COPS3: variants seen among roughly 807,000 people sequenced by gnomAD.
COPS3 encodes the protein COP9 signalosome complex subunit 3.
Under a neutral mutation model 58.2 loss-of-function variants are expected in COPS3, and 10 were observed. That is an observed-to-expected ratio of 0.17 (90% confidence interval 0.11 to 0.29). The LOEUF is 0.29. Ranked by LOEUF, COPS3 falls within the 10% of genes least tolerant of loss-of-function variation. COPS3 has a pLI of 1.00. For synonymous variants in COPS3, 187 were observed against 181.7 expected, an observed-to-expected ratio of 1.03 and a Z score of -0.24; for missense variants, 333 against 510.1, an observed-to-expected ratio of 0.65 and a Z score of 3.34.
Position 17,260,375 on chromosome 17 carries a change from G to A in COPS3, c.862C>T (p.Arg288Cys), listed in dbSNP as rs373742862. 9.1e-5 allele frequency: 147 copies of A among 1,614,018 alleles called. No individual in the cohort carries two copies. The highest frequency in any genetic ancestry group is 1.2e-4 in the Non-Finnish European group (142 of 1,180,014). The stretch of plus-strand genomic sequence containing the variant: ...TTCACCAGCCCCATGTTGTTATCGC[G>A]AGTGAAGGTTTCACTGTGCTTATTC... ...LVNKHSETFTRDNNMGLVKQC... is the reference protein window; with the variant it reads ...LVNKHSETFTCDNNMGLVKQC... Residue 288 changes from arginine to cysteine, a missense_variant, in exon 8 of 12, where the codon CGC becomes TGC. Coordinates refer to ENST00000268717, the MANE Select transcript of COPS3 (RefSeq NM_003653.4).
In COPS3 at chr17:17,260,457, G is replaced by A. The variant is rs1212106603; in HGVS notation, c.780C>T (p.Tyr260=). 1.9e-6 allele frequency: 3 copies of A among 1,614,108 alleles called. No individual in the cohort carries two copies. Among genetic ancestry groups the A allele is most frequent in the Non-Finnish European group, 2.5e-6 (3 of 1,179,998 alleles). Residue 260 remains tyrosine (Y), a synonymous_variant, in exon 8 of 12, where the codon TAC becomes TAT. Coordinates refer to ENST00000268717, the MANE Select transcript of COPS3 (RefSeq NM_003653.4). ...TTGAATACACTTGTGCTAACTCGTG[G>A]TATGCATTGCTAAGAGGCTAAAGAT... is the stretch of plus-strand genomic sequence containing the variant. ...GRFIKPLSNA[Y]HELAQVYSTN... is the part of the protein sequence containing the mutation.
intron 6 of COPS3, among the ~76,000 whole-genome samples, chr17:17,262,769 T>C (rs1429677896): frequency 6.6e-6 from 1 of 151,884 alleles, no homozygotes. Flanking sequence ...AGTCTCACTA[T>C]GTTGCTCAGG....
Position 17,258,070 on chromosome 17 carries a change from A to G in COPS3, c.936+2231T>C, listed in dbSNP as rs141791113. Among the ~76,000 whole-genome samples the G allele has an allele frequency of 1.1e-3, 164 of 152,194 alleles. 3 individuals are homozygous for G. The highest frequency in any genetic ancestry group is 3.9e-3 in the African/African-American group (160 of 41,530). On this transcript the variant is annotated intron_variant, in intron 8 of 11. Coordinates refer to ENST00000268717, the MANE Select transcript of COPS3 (RefSeq NM_003653.4). The stretch of plus-strand genomic sequence containing the variant: ...TGCCAAAAATGGAGCAGCCACTATC[A>G]CAGATGTAACCTTCTGACTAGCTAT...
chr17:17,273,451 T>A (rs188335372), intron 2 of COPS3, among the ~76,000 whole-genome samples: 20 of 152,260 alleles, frequency 1.3e-4, no homozygotes, highest in African/African-American at 4.6e-4. Flanking sequence ...CTTATTTATA[T>A]GAAAGAGCAG....
intron 8 of COPS3, among the ~76,000 whole-genome samples, chr17:17,256,251 A>T (rs2047973515): frequency 6.6e-6 from 1 of 152,104 alleles, no homozygotes; most frequent in Non-Finnish European, 1.5e-5. Flanking sequence ...ATGAAAAATA[A>T]TTTTATATAT....
chr17:17,250,244 C>T (rs895416424), intron 9 of COPS3, among the ~76,000 whole-genome samples: 1 of 145,490 alleles, frequency 6.9e-6, no homozygotes, highest in African/African-American at 2.5e-5. Flanking sequence ...TGAAATATAA[C>T]TTACATCGCC....
At chr17:17,258,038 G>T (rs914201754) in intron 8 of COPS3, among the ~76,000 whole-genome samples, 3 of 152,012 alleles carry the variant, frequency 2.0e-5, no homozygotes, top group Non-Finnish European at 2.9e-5. Context: ...TTAGCACTGG[G>T]ACATCATGCC....
rs1202206059 is a variant in COPS3, at chr17:17,246,668, T to C, written c.*430A>G. On this transcript the variant is annotated 3_prime_UTR_variant, in exon 12 of 12. Transcript: ENST00000268717. The stretch of plus-strand genomic sequence containing the variant: ...TTTTCTGAAGACAATGATTACAACT[T>C]TTAGATTTTTTTGTAGATACAAATT... 6.6e-6 allele frequency among the ~76,000 whole-genome samples: 1 copy of C among 152,130 alleles called. No individual in the cohort carries two copies.
intron 1 of COPS3, among the ~76,000 whole-genome samples, chr17:17,278,490 A>C (rs555474183): frequency 1.3e-5 from 2 of 152,244 alleles, no homozygotes; most frequent in African/African-American, 4.8e-5. Flanking sequence ...CAAAACAAGA[A>C]TAAAACAGCT....
At chr17:17,277,315 C>T (rs1057107168) in intron 1 of COPS3, among the ~76,000 whole-genome samples, 1 of 152,208 alleles carries the variant, frequency 6.6e-6, no homozygotes, top group African/African-American at 2.4e-5. Flanking sequence ...GTCCCTTTCT[C>T]CAGCTCTAGA....
chr17:17,251,241 G>A (rs576295212), intron 9 of COPS3, among the ~76,000 whole-genome samples: 60 of 151,708 alleles, frequency 4.0e-4, no homozygotes, highest in African/African-American at 1.3e-3. Context: ...TGATCTGCCC[G>A]CCTCAGCCTC....
intron 10 of COPS3, chr17:17,247,815 C>T (rs570580247): frequency 2.3e-5 from 9 of 387,452 alleles, no homozygotes; most frequent in African/African-American, 1.0e-4. Context: ...TGCAGTGAAA[C>T]GAGTATATTC....
At chr17:17,280,660 A>C (rs117743490) in intron 1 of COPS3, 46,163 of 1,305,328 alleles carry the variant, frequency 0.035, 1,102 homozygotes, top group East Asian at 0.14. Context: ...AGGAGCTGGC[A>C]GAGGCGAGCC....
Position 17,247,037 on chromosome 17 carries a change from G to T in COPS3, c.*61C>A. On this transcript the variant is annotated 3_prime_UTR_variant, in exon 12 of 12. Transcript: ENST00000268717. ...GGCTTGGTCCTCTCTGCTGCCCTCC[G>T]AACACTTGTCACTGGCCAAGATGGT... 1 of 1,492,182 alleles carries T rather than the reference G, an allele frequency of 6.7e-7. No individual in the cohort carries two copies. Among genetic ancestry groups the T allele is most frequent in the Non-Finnish European group, 9.4e-7 (1 of 1,069,138 alleles). 92.4% of individuals were successfully genotyped at this position (1,492,182 alleles called of 1,614,324 possible).
chr17:17,263,036 C>T (rs745664183), intron 6 of COPS3, among the ~76,000 whole-genome samples: 5 of 150,952 alleles, frequency 3.3e-5, no homozygotes, highest in Admixed American at 6.6e-5. Flanking sequence ...TGCCTGTAAT[C>T]CCAGCAATTT....
intron 9 of COPS3, among the ~76,000 whole-genome samples, chr17:17,253,812 A>C (rs1285457815): frequency 2.0e-5 from 3 of 152,064 alleles, no homozygotes; most frequent in Non-Finnish European, 4.4e-5. Context: ...ATATTTCATG[A>C]GGGTTATGAG....
At chr17:17,273,825 C>T (rs1483434191) in intron 2 of COPS3, among the ~76,000 whole-genome samples, 1 of 152,208 alleles carries the variant, frequency 6.6e-6, no homozygotes, top group Non-Finnish European at 1.5e-5. Flanking sequence ...GCACTCCTGA[C>T]TGGGTGACAG....
chr17:17,268,026 C>T, intron 4 of COPS3, 49 bp from the exon 5 acceptor site: 1 of 1,603,262 alleles, frequency 6.2e-7, no homozygotes, highest in African/African-American at 1.3e-5. Context: ...GATGGCAGCA[C>T]ATTGGATCTT....
chr17:17,255,711 G>C (rs531068962), intron 8 of COPS3, among the ~76,000 whole-genome samples: 2 of 151,570 alleles, frequency 1.3e-5, no homozygotes, highest in South Asian at 4.2e-4. Context: ...ATGGTGGCAG[G>C]CACCTGTAAT....
Sources: allele counts gnomAD v4.1 joint callset (sites outside exome capture counted in the v4.1 genomes callset), GRCh38; gene constraint gnomAD v4.1.1; transcripts MANE v1.5; gene names NCBI Gene and HGNC (gene_info 2026-07-23, HGNC 2026-07-21).